MBD5: variants seen among roughly 807,000 people sequenced by gnomAD.
MBD5 encodes the protein methyl-CpG-binding domain protein 5.
Under a neutral mutation model 117.3 loss-of-function variants are expected in MBD5, and 13 were observed. The ratio of observed to expected loss-of-function variants is 0.11; its 90% confidence interval spans 0.07 to 0.18. The LOEUF (loss-of-function observed/expected upper bound fraction) is 0.18. Ranked by LOEUF, MBD5 falls within the 10% of genes least tolerant of loss-of-function variation. MBD5 has a pLI of 1.00. For synonymous variants in MBD5, 727 were observed against 766.4 expected (o/e 0.95, Z 0.85); for missense variants, 1,879 against 2,093.8 (o/e 0.90, Z 2.00).
chr2:148,473,420 A>G (rs1178891498), intron 8 of MBD5, among the ~76,000 whole-genome samples: 1 of 152,126 alleles, frequency 6.6e-6, no homozygotes, highest in Non-Finnish European at 1.5e-5. Flanking sequence ...GATGAAAAAA[A>G]CCAACAGGTA....
chr2:148,106,040 G>A (rs1696363028), intron 1 of MBD5, among the ~76,000 whole-genome samples: 1 of 151,764 alleles, frequency 6.6e-6, no homozygotes, highest in African/African-American at 2.4e-5. Flanking sequence ...TTACTTTTTT[G>A]TCCTAGTACA....
Position 148,021,510 on chromosome 2 carries a change from GCTA to G in MBD5, c.-1096_-1094del. 3.5e-6 allele frequency: 2 copies of G among 575,322 alleles called. No individual in the cohort carries two copies. Among genetic ancestry groups the G allele is most frequent in the African/African-American group, 1.9e-5 (1 of 53,030 alleles). 35.6% of individuals were successfully genotyped at this position (575,322 alleles called of 1,614,324 possible). A position where few individuals can be genotyped will look rare whatever the true frequency, so the allele number is the denominator to read the frequency against. Reference sequence around the variant, plus strand: ...TGCTGCTGCTGCTACTGCTGCTGCTGCTACTGCTGCTGCTTGGCCCTGGCTGGA... The same window carrying G: ...TGCTGCTGCTGCTACTGCTGCTGCTGCTGCTGCTGCTTGGCCCTGGCTGGA... On this transcript the variant is annotated 5_prime_UTR_variant, in exon 1 of 14. Transcript: ENST00000642680.
chr2:148,166,314 CTT>C (rs919776597), intron 1 of MBD5, among the ~76,000 whole-genome samples: 2 of 152,094 alleles, frequency 1.3e-5, no homozygotes, highest in Admixed American at 1.3e-4. Context: ...TATCTAAACT[CTT>C]CATTATTTGT....
chr2:148,272,231 G>A (rs1307971717), intron 3 of MBD5, among the ~76,000 whole-genome samples: 2 of 152,116 alleles, frequency 1.3e-5, no homozygotes, highest in African/African-American at 4.8e-5. Flanking sequence ...GCTATTAGTT[G>A]TATAATGCTA....
intron 3 of MBD5, among the ~76,000 whole-genome samples, chr2:148,246,717 T>C (rs1179815099): frequency 2.2e-5 from 3 of 139,444 alleles, no homozygotes; most frequent in Non-Finnish European, 4.5e-5. Context: ...TGAGCCGAAA[T>C]TGCGCCACTG....
intron 4 of MBD5, among the ~76,000 whole-genome samples, chr2:148,451,010 C>G (rs1313683670): frequency 6.6e-6 from 1 of 152,166 alleles, no homozygotes; most frequent in Non-Finnish European, 1.5e-5. Flanking sequence ...TATAACTTTC[C>G]TACATCATTA....
intron 1 of MBD5, among the ~76,000 whole-genome samples, chr2:148,107,214 G>A (rs990266253): frequency 2.6e-5 from 4 of 152,032 alleles, no homozygotes; most frequent in Non-Finnish European, 2.9e-5. Context: ...TTAGTGTGTT[G>A]AAGATATTAT....
chr2:148,040,827 C>T (rs1000390679), intron 1 of MBD5, among the ~76,000 whole-genome samples: 1 of 152,024 alleles, frequency 6.6e-6, no homozygotes, highest in African/African-American at 2.4e-5. Context: ...AGGACCAGGC[C>T]CTAAATTTTA....
In MBD5 at chr2:148,158,745, A is replaced by G. The variant is rs144741782; in HGVS notation, c.-924-19955A>G. 3.4e-3 allele frequency among the ~76,000 whole-genome samples: 510 copies of G among 152,186 alleles called. 4 individuals carry two copies. Among genetic ancestry groups the G allele is most frequent in the African/African-American group, 0.011 (446 of 41,546 alleles). The stretch of plus-strand genomic sequence containing the variant: ...TTTTATTTATTTATTTTTGAGACGG[A>G]GTCTCGCTGTGTCTGCCAGGCTGGA... On this transcript the variant is annotated intron_variant, in intron 1 of 13. Transcript: ENST00000642680.
chr2:148,168,978 A>T (rs925277000), intron 1 of MBD5, among the ~76,000 whole-genome samples: 6 of 147,420 alleles, frequency 4.1e-5, no homozygotes, highest in Middle Eastern at 3.6e-3. Flanking sequence ...ATATACGTAT[A>T]ATATATATAT....
intron 2 of MBD5, among the ~76,000 whole-genome samples, chr2:148,231,719 T>C (rs1481856508): frequency 6.6e-6 from 1 of 152,100 alleles, no homozygotes; most frequent in Non-Finnish European, 1.5e-5. Flanking sequence ...TCAGGGTGCT[T>C]TCCCAGACGT....
rs1702348075 is a variant in MBD5, at chr2:148,323,492, T to G, written c.-679-18722T>G. On this transcript the variant is annotated intron_variant, in intron 3 of 13. Coordinates refer to ENST00000642680, the MANE Select transcript of MBD5 (RefSeq NM_001378120.1). ...GTAAAAGTGTTCCTATTTCTCCACA[T>G]CCTCTCCAGCACCTGTTGTTTCCTG... is the stretch of plus-strand genomic sequence containing the variant. Among the ~76,000 whole-genome samples the G allele has an allele frequency of 2.6e-5, 4 of 152,166 alleles. No individual in the cohort carries two copies. In the South Asian group the frequency reaches 8.3e-4, roughly 32 times the overall value.
chr2:148,494,811 G>A (rs13032758), intron 11 of MBD5, among the ~76,000 whole-genome samples: 31,647 of 151,790 alleles, frequency 0.21, 5,177 homozygotes, highest in African/African-American at 0.46. Flanking sequence ...AAATACAAAA[G>A]AATTAGCCGG....
intron 1 of MBD5, among the ~76,000 whole-genome samples, chr2:148,154,159 A>G (rs893871928): frequency 7.0e-6 from 1 of 143,528 alleles, no homozygotes. Flanking sequence ...CTTCTAACAG[A>G]CAGGACCCTC....
chr2:148,187,769 C>A (rs1698704248), intron 2 of MBD5, among the ~76,000 whole-genome samples: 1 of 151,228 alleles, frequency 6.6e-6, no homozygotes, highest in Admixed American at 6.6e-5. Context: ...AGACCTGTTA[C>A]AAGAAATGTT....
chr2:148,061,046 G>T (rs556583178), intron 1 of MBD5, among the ~76,000 whole-genome samples: 2 of 152,054 alleles, frequency 1.3e-5, no homozygotes, highest in African/African-American at 4.8e-5. Context: ...CTCATTTTTT[G>T]AAATAGTTTT....
chr2:148,400,159 A>G (rs1704873776), intron 4 of MBD5, among the ~76,000 whole-genome samples: 4 of 152,118 alleles, frequency 2.6e-5, no homozygotes, highest in Admixed American at 2.6e-4. Flanking sequence ...TTATTTATAA[A>G]CATAGAATGT....
chr2:148,086,160 A>G (rs1037700848), intron 1 of MBD5, among the ~76,000 whole-genome samples: 1 of 150,352 alleles, frequency 6.7e-6, no homozygotes, highest in East Asian at 2.0e-4. Context: ...AAATATATAC[A>G]TGGTATATAT....
chr2:148,349,132 T>TA (rs1012046847), intron 4 of MBD5, among the ~76,000 whole-genome samples: 6 of 151,552 alleles, frequency 4.0e-5, no homozygotes, highest in Admixed American at 1.3e-4. Flanking sequence ...TTTCAAAGGG[T>TA]AAAAAAAAGG....
Sources: gnomAD v4.1 joint callset for allele counts (sites outside exome capture counted in the v4.1 genomes callset) on GRCh38, gnomAD v4.1.1 for gene constraint, MANE v1.5 for transcripts, NCBI Gene and HGNC (gene_info 2026-07-23, HGNC 2026-07-21) for gene names.